MAGI2: variants seen among roughly 807,000 people sequenced by gnomAD.
MAGI2 encodes the protein membrane associated guanylate kinase, WW and PDZ domain containing 2.
MAGI2 carries 35 observed loss-of-function variants against 133.3 expected under a neutral mutation model. That is an observed-to-expected ratio of 0.26 (90% CI 0.20 to 0.35). The LOEUF (loss-of-function observed/expected upper bound fraction) is 0.35. Among genes scored for constraint, MAGI2 ranks in the 10% least tolerant of loss-of-function variants. The pLI is 1.00. For missense variants in MAGI2, 1,636 were observed against 1,863.4 expected (o/e 0.88, Z 2.25); for synonymous variants, 729 against 710.6 (o/e 1.03, Z -0.41).
intron 9 of MAGI2, among the ~76,000 whole-genome samples, chr7:78,298,719 G>C (rs760781858): frequency 6.6e-5 from 10 of 151,828 alleles, no homozygotes; most frequent in African/African-American, 9.7e-5. Flanking sequence ...GCCCAGGCTG[G>C]GTCTCCAACC....
intron 1 of MAGI2, among the ~76,000 whole-genome samples, chr7:79,054,170 T>C (rs1012526739): frequency 3.3e-5 from 5 of 152,126 alleles, no homozygotes; most frequent in Non-Finnish European, 7.3e-5. Context: ...CACTCCAGCT[T>C]GGGCGACATA....
intron 1 of MAGI2, among the ~76,000 whole-genome samples, chr7:79,081,333 G>T (rs781499323): frequency 2.0e-5 from 3 of 151,960 alleles, no homozygotes; most frequent in Non-Finnish European, 4.4e-5. Context: ...CTCCTAGGAG[G>T]GATTTTATTT....
intron 1 of MAGI2, among the ~76,000 whole-genome samples, chr7:79,123,290 C>G (rs1820076494): frequency 6.6e-6 from 1 of 152,032 alleles, no homozygotes; most frequent in African/African-American, 2.4e-5. Flanking sequence ...TTCTCTTTTT[C>G]TCTTTCTTTT....
chr7:78,930,463 C>T (rs1449199542), intron 2 of MAGI2, among the ~76,000 whole-genome samples: 1 of 152,030 alleles, frequency 6.6e-6, no homozygotes, highest in African/African-American at 2.4e-5. Flanking sequence ...TCTGTCTTTT[C>T]TTCATGAAGA....
At chr7:78,855,067 G>C (rs567945395) in intron 2 of MAGI2, among the ~76,000 whole-genome samples, 2 of 151,880 alleles carry the variant, frequency 1.3e-5, no homozygotes, top group Non-Finnish European at 2.9e-5. Context: ...ATGTTGCCAG[G>C]CTGAATTACT....
intron 1 of MAGI2, among the ~76,000 whole-genome samples, chr7:79,183,188 GAA>G (rs1826769433): frequency 6.6e-6 from 1 of 151,854 alleles, no homozygotes; most frequent in Non-Finnish European, 1.5e-5. Flanking sequence ...AAAATAGCTA[GAA>G]GAGAGGTCTT....
intron 2 of MAGI2, among the ~76,000 whole-genome samples, chr7:78,845,593 C>T (rs1170625474): frequency 6.6e-6 from 1 of 151,892 alleles, no homozygotes; most frequent in Non-Finnish European, 1.5e-5. Context: ...AAAAATAAAA[C>T]ATAAGGCCTA....
At chr7:79,426,158 C>A (rs1847357516) in intron 1 of MAGI2, among the ~76,000 whole-genome samples, 1 of 152,108 alleles carries the variant, frequency 6.6e-6, no homozygotes, top group Non-Finnish European at 1.5e-5. Context: ...TACTCTAAAC[C>A]TAACCACAAT....
intron 1 of MAGI2, among the ~76,000 whole-genome samples, chr7:79,026,470 G>A (rs1809892998): frequency 6.6e-6 from 1 of 152,104 alleles, no homozygotes; most frequent in African/African-American, 2.4e-5. Flanking sequence ...CACAACACAT[G>A]GATTGGGGGG....
intron 2 of MAGI2, among the ~76,000 whole-genome samples, chr7:78,890,565 T>G (rs1402796661): frequency 6.6e-6 from 1 of 152,164 alleles, no homozygotes; most frequent in East Asian, 1.9e-4. Flanking sequence ...AACTCAGGAT[T>G]AAGAAACTCA....
At chr7:78,350,252 T>G (rs1272532914) in intron 7 of MAGI2, 1 of 152,212 alleles carries the variant, frequency 6.6e-6, no homozygotes, top group Non-Finnish European at 1.5e-5. Context: ...AGTCTGACTC[T>G]CTCCTCTCAC....
chr7:78,714,664 T>C (rs995150875), intron 2 of MAGI2, among the ~76,000 whole-genome samples: 7 of 152,158 alleles, frequency 4.6e-5, no homozygotes, highest in Non-Finnish European at 2.9e-5. Context: ...TCAAGAACCA[T>C]GCACTGTCAG....
intron 1 of MAGI2, among the ~76,000 whole-genome samples, chr7:79,026,747 G>A (rs1291104320): frequency 6.6e-6 from 1 of 151,952 alleles, no homozygotes; most frequent in East Asian, 1.9e-4. Flanking sequence ...GTTGGTGCAT[G>A]CCTGTAGTCC....
chr7:78,258,682 T>G (rs1230113645), intron 9 of MAGI2, among the ~76,000 whole-genome samples: 1 of 152,216 alleles, frequency 6.6e-6, no homozygotes, highest in African/African-American at 2.4e-5. Context: ...TTTAAGCCTT[T>G]TGTAAATGGT....
intron 2 of MAGI2, among the ~76,000 whole-genome samples, chr7:78,893,829 A>G (rs1796979845): frequency 6.6e-6 from 1 of 152,192 alleles, no homozygotes; most frequent in South Asian, 2.1e-4. Flanking sequence ...ATACATATGT[A>G]ACAAACCTGC....
At chr7:79,245,593 G>T (rs973981389) in intron 1 of MAGI2, among the ~76,000 whole-genome samples, 3 of 152,150 alleles carry the variant, frequency 2.0e-5, no homozygotes, top group Non-Finnish European at 4.4e-5. Flanking sequence ...CTTGTGGCTT[G>T]GGTGCTAGCT....
intron 16 of MAGI2, among the ~76,000 whole-genome samples, chr7:78,139,936 T>G (rs3807708): frequency 2.6e-5 from 4 of 152,122 alleles, no homozygotes; most frequent in Non-Finnish European, 1.5e-5. Flanking sequence ...TGCTCAATGT[T>G]CCACACTGTT....
intron 6 of MAGI2, among the ~76,000 whole-genome samples, chr7:78,471,244 G>A (rs891214856): frequency 2.0e-5 from 3 of 152,112 alleles, no homozygotes; most frequent in African/African-American, 7.2e-5. Context: ...GACAATTAAA[G>A]TGGAGTGAGA....
chr7:78,163,977 G>C (rs551165402), intron 15 of MAGI2, among the ~76,000 whole-genome samples: 2 of 152,074 alleles, frequency 1.3e-5, no homozygotes, highest in Non-Finnish European at 1.5e-5. Flanking sequence ...CTGATTTCCA[G>C]TTTTTCTTGA....
Sources: allele counts gnomAD v4.1 joint callset (sites outside exome capture counted in the v4.1 genomes callset), GRCh38; gene constraint gnomAD v4.1.1; transcripts MANE v1.5; gene names NCBI Gene and HGNC (gene_info 2026-07-23, HGNC 2026-07-21).